TDRD3: variants seen among roughly 807,000 people sequenced by gnomAD.
TDRD3 encodes the protein tudor domain-containing protein 3.
In TDRD3, 45 loss-of-function variants were observed where a neutral mutation model predicts 86.7. That is an observed-to-expected ratio of 0.52 (90% confidence interval 0.41 to 0.67). The LOEUF is 0.67. Among genes scored for constraint, TDRD3 ranks in the 30% least tolerant of loss-of-function variants. The pLI, the probability that TDRD3 is intolerant of heterozygous loss-of-function variation, is 0.00. For synonymous variants in TDRD3, 298 were observed against 301.7 expected, an observed-to-expected ratio of 0.99 and a Z score of 0.13; for missense variants, 814 against 889.0, an observed-to-expected ratio of 0.92 and a Z score of 1.07.
In TDRD3 at chr13:60,467,337, T is replaced by C. The variant is rs1955968613; in HGVS notation, c.453T>C (p.Gly151=). 1 of 1,613,972 alleles carries C rather than the reference T, an allele frequency of 6.2e-7. No individual in the cohort carries two copies. The highest frequency in any genetic ancestry group is 8.5e-7 in the Non-Finnish European group (1 of 1,179,890). ...ATGACTCTAACACCACAGTTCTTGG[T>C]GGTGAAGTGGAACACCTTATTGAGA... ...LLNDSNTTVL[G]GEVEHLIEKW... Residue 151 remains glycine (G), a synonymous_variant, in exon 5 of 14, where the codon GGT becomes GGC. Transcript: ENST00000377881.
chr13:60,483,960 G>A, intron 6 of TDRD3, 114 bp downstream of exon 6: 1 of 969,162 alleles, frequency 1.0e-6, no homozygotes, highest in Middle Eastern at 2.4e-4. Context: ...GAGTTATTTG[G>A]AAATATGAAG....
chr13:60,403,779 A>G (rs1954161931), intron 1 of TDRD3, among the ~76,000 whole-genome samples: 1 of 152,224 alleles, frequency 6.6e-6, no homozygotes, highest in South Asian at 2.1e-4. Flanking sequence ...GAGTGTGTGT[A>G]TGTACTTTTC....
At chr13:60,409,178 C>A (rs1436121661) in intron 1 of TDRD3, among the ~76,000 whole-genome samples, 1 of 152,222 alleles carries the variant, frequency 6.6e-6, no homozygotes. Context: ...AGAATCTCTA[C>A]CTAGATTTCA....
At chr13:60,479,054 G>T (rs1249195756) in intron 5 of TDRD3, among the ~76,000 whole-genome samples, 6 of 151,906 alleles carry the variant, frequency 3.9e-5, no homozygotes, top group Non-Finnish European at 5.9e-5. Context: ...TGATCTGACT[G>T]CCTTGGCCTC....
At chr13:60,404,963 G>A (rs1212644028) in intron 1 of TDRD3, among the ~76,000 whole-genome samples, 3 of 152,176 alleles carry the variant, frequency 2.0e-5, no homozygotes, top group Non-Finnish European at 4.4e-5. Context: ...AAAAATGGGA[G>A]GTGCCCTGCA....
At position 60,494,657 on chromosome 13, in the gene TDRD3, C is replaced by G. The variant is rs1956675843; in HGVS notation, c.858+82C>G. On this transcript the variant is annotated intron_variant, in intron 8 of 13. Transcript: ENST00000377881. ...TATTCTTTCTTACCACCACCACTGG[C>G]TTTGTGCAATGTATTATGGATAGAT... 2.9e-6 allele frequency: 4 copies of G among 1,372,020 alleles called. No individual in the cohort carries two copies. In the African/African-American group the frequency reaches 5.8e-5, roughly 20 times the overall value. The allele number at this position is 1,372,020 out of a possible 1,614,324, so 85.0% of individuals were successfully genotyped here.
chr13:60,570,092 C>A (rs1188819217), intron 13 of TDRD3, among the ~76,000 whole-genome samples: 1 of 152,234 alleles, frequency 6.6e-6, no homozygotes, highest in East Asian at 1.9e-4. Flanking sequence ...AAAGATCCTA[C>A]ATAGCAAAGG....
At chr13:60,422,653 T>G (rs1013310200) in intron 1 of TDRD3, among the ~76,000 whole-genome samples, 3 of 152,058 alleles carry the variant, frequency 2.0e-5, no homozygotes, top group African/African-American at 4.8e-5. Flanking sequence ...AGAATTATTT[T>G]AGAAATAAAG....
chr13:60,535,420 C>T (rs962596443), intron 12 of TDRD3, 187 bp downstream of exon 12: 4 of 484,026 alleles, frequency 8.3e-6, no homozygotes, highest in Non-Finnish European at 1.3e-5. Flanking sequence ...AAAATGAATG[C>T]ATTGAATTAC....
At chr13:60,423,101 C>T (rs1228183098) in intron 1 of TDRD3, among the ~76,000 whole-genome samples, 1 of 152,058 alleles carries the variant, frequency 6.6e-6, no homozygotes, top group African/African-American at 2.4e-5. Flanking sequence ...TCAAGCTTTT[C>T]AAAACCAATA....
chr13:60,410,307 A>G (rs1954331468), intron 1 of TDRD3, among the ~76,000 whole-genome samples: 1 of 152,172 alleles, frequency 6.6e-6, no homozygotes, highest in African/African-American at 2.4e-5. Context: ...GAGGCAAAGA[A>G]GTAGGAATCT....
At chr13:60,450,297 A>C (rs940499184) in intron 3 of TDRD3, among the ~76,000 whole-genome samples, 2 of 152,124 alleles carry the variant, frequency 1.3e-5, no homozygotes, top group Non-Finnish European at 2.9e-5. Context: ...GAGCAGAATT[A>C]ATTTTTAAAT....
At chr13:60,419,719 C>G (rs2137863912) in intron 1 of TDRD3, among the ~76,000 whole-genome samples, 1 of 151,906 alleles carries the variant, frequency 6.6e-6, no homozygotes, top group Admixed American at 6.6e-5. Context: ...TTGATAGATG[C>G]AGCAAACCAC....
chr13:60,442,870 T>G (rs759323984), intron 2 of TDRD3, among the ~76,000 whole-genome samples: 1 of 152,004 alleles, frequency 6.6e-6, no homozygotes, highest in Non-Finnish European at 1.5e-5. Flanking sequence ...GATCAAAGTT[T>G]AGGATTTTTG....
intron 5 of TDRD3, among the ~76,000 whole-genome samples, chr13:60,474,082 C>G (rs1043332675): frequency 2.0e-5 from 3 of 152,152 alleles, no homozygotes; most frequent in Non-Finnish European, 4.4e-5. Context: ...TCATGTTCCA[C>G]CCTGTACACC....
At chr13:60,477,914 C>T (rs1179374746) in intron 5 of TDRD3, among the ~76,000 whole-genome samples, 1 of 152,118 alleles carries the variant, frequency 6.6e-6, no homozygotes, top group Non-Finnish European at 1.5e-5. Flanking sequence ...TTTCCTCCTT[C>T]TTGATATTTA....
chr13:60,408,782 A>T (rs1374804148), intron 1 of TDRD3, among the ~76,000 whole-genome samples: 1 of 152,242 alleles, frequency 6.6e-6, no homozygotes, highest in African/African-American at 2.4e-5. Context: ...CAGCATGACT[A>T]AGTGATAGAA....
At chr13:60,442,368 T>G (rs9570305) in intron 2 of TDRD3, among the ~76,000 whole-genome samples, 27,742 of 137,132 alleles carry the variant, frequency 0.2, 3,631 homozygotes, top group East Asian at 0.58. Context: ...AAATAGGGAT[T>G]TTATGTGTGT....
In TDRD3 at chr13:60,535,106, A is replaced by T; in HGVS notation, c.1993-2A>T. ...TATTTAAAACTCCTTTTGCCTCCTC[A>T]GTTTTACCGGGCAGAAGTTGAAGCC... is the stretch of plus-strand genomic sequence containing the variant. On this transcript the variant is annotated splice_acceptor_variant, in intron 11 of 13. Coordinates refer to ENST00000377881, the MANE Select transcript of TDRD3 (RefSeq NM_001146070.2). LOFTEE classifies it high-confidence loss of function. 1.2e-6 allele frequency: 2 copies of T among 1,613,292 alleles called. No homozygotes were observed. Among genetic ancestry groups the T allele is most frequent in the Non-Finnish European group, 1.7e-6 (2 of 1,179,656 alleles).
Sources: allele counts gnomAD v4.1 joint callset (sites outside exome capture counted in the v4.1 genomes callset), GRCh38; gene constraint gnomAD v4.1.1; transcripts MANE v1.5; gene names NCBI Gene and HGNC (gene_info 2026-07-23, HGNC 2026-07-21).